The following CFAP54 variants were observed in gnomAD, a reference collection of about 807,000 sequenced individuals.
The protein encoded by CFAP54 is cilia and flagella associated protein 54, also known as cilia- and flagella-associated protein 54.
CFAP54 carries 290 observed loss-of-function variants against 370.4 expected under a neutral mutation model. The ratio of observed to expected loss-of-function variants is 0.78; its 90% CI spans 0.71 to 0.86. CFAP54 has a LOEUF of 0.86. Ranked by LOEUF, CFAP54 falls within the 40% of genes least tolerant of loss-of-function variation. The pLI is 0.00. For missense variants in CFAP54, 3,399 were observed against 3,528.7 expected (o/e 0.96, Z 0.93); for synonymous variants, 1,206 against 1,236.5 (o/e 0.98, Z 0.52).
chr12:96,683,898 T>C (rs1330567099), intron 40 of CFAP54, among the ~76,000 whole-genome samples: 1 of 152,146 alleles, frequency 6.6e-6, no homozygotes, highest in Admixed American at 6.5e-5. Flanking sequence ...TTCAAGCAAT[T>C]CTTTTGCCTT....
In CFAP54 at chr12:96,624,506, A is replaced by G. The variant is rs529206087; in HGVS notation, c.3886+625A>G. On this transcript the variant is annotated intron_variant, in intron 28 of 67. Coordinates refer to ENST00000524981, the MANE Select transcript of CFAP54 (RefSeq NM_001306084.2). ...ACTGTAGTAATTTCATAATAAACCA[A>G]TGTGTTAATGCAATGATTGGTATTT... is the stretch of plus-strand genomic sequence containing the variant. Among the ~76,000 whole-genome samples, 281 of 152,304 alleles carry G rather than the reference A, an allele frequency of 1.8e-3. 1 individual carries two copies. Among genetic ancestry groups the G allele is most frequent in the African/African-American group, 6.6e-3 (273 of 41,554 alleles).
At chr12:96,645,801 C>T (rs879273906) in intron 33 of CFAP54, 1 of 152,114 alleles carries the variant, frequency 6.6e-6, no homozygotes, top group Admixed American at 6.6e-5. Context: ...TGTCACATAT[C>T]TACAACTATC....
chr12:96,590,333 C>T (rs4762156), intron 23 of CFAP54, among the ~76,000 whole-genome samples: 137,562 of 152,220 alleles, frequency 0.9, 62,314 homozygotes, highest in East Asian at 0.96. Flanking sequence ...TACTATCCTT[C>T]GTCTTTACTG....
chr12:96,543,810 G>C (rs11108576), intron 14 of CFAP54, among the ~76,000 whole-genome samples: 61,253 of 151,892 alleles, frequency 0.4, 12,908 homozygotes, highest in South Asian at 0.47. Context: ...TTCTAGGATG[G>C]AGTCTCTTTT....
chr12:96,679,140 C>T (rs1286302476), intron 39 of CFAP54, among the ~76,000 whole-genome samples: 1 of 152,150 alleles, frequency 6.6e-6, no homozygotes, highest in Non-Finnish European at 1.5e-5. Flanking sequence ...CTTTCCTCTG[C>T]ACCTTTCAGT....
At chr12:96,728,072 G>A (rs1442698244) in intron 50 of CFAP54, among the ~76,000 whole-genome samples, 3 of 152,186 alleles carry the variant, frequency 2.0e-5, no homozygotes, top group Non-Finnish European at 4.4e-5. Flanking sequence ...GCTTCCCTTT[G>A]TGGGTAACCC....
chr12:96,636,534 A>G (rs1425650141), intron 32 of CFAP54, among the ~76,000 whole-genome samples: 1 of 152,100 alleles, frequency 6.6e-6, no homozygotes. Context: ...TTGTTTTGCC[A>G]GAGGTTTGTC....
chr12:96,726,359 T>C (rs1429024228), intron 50 of CFAP54, among the ~76,000 whole-genome samples: 1 of 152,226 alleles, frequency 6.6e-6, no homozygotes, highest in Non-Finnish European at 1.5e-5. Flanking sequence ...TCAGATCTGT[T>C]ATTGGTCTAT....
At chr12:96,533,007 C>G (rs986421834) in intron 9 of CFAP54, among the ~76,000 whole-genome samples, 2 of 152,050 alleles carry the variant, frequency 1.3e-5, no homozygotes, top group Non-Finnish European at 2.9e-5. Context: ...TTTCATTGTT[C>G]CTAAGTATTT....
At chr12:96,647,008 C>T (rs1279860042) in intron 33 of CFAP54, 4 of 151,846 alleles carry the variant, frequency 2.6e-5, no homozygotes, top group African/African-American at 7.3e-5. Flanking sequence ...TGTTAAATGA[C>T]GAGTTAATGG....
intron 66 of CFAP54, among the ~76,000 whole-genome samples, chr12:96,836,563 G>A (rs1490157240): frequency 1.3e-5 from 2 of 152,158 alleles, no homozygotes; most frequent in Non-Finnish European, 2.9e-5. Context: ...GAGCAGCTAA[G>A]AATCTATGCT....
At chr12:96,754,851 C>G (rs1958234440) in intron 56 of CFAP54, among the ~76,000 whole-genome samples, 1 of 151,856 alleles carries the variant, frequency 6.6e-6, no homozygotes, top group Admixed American at 6.6e-5. Context: ...TCAAGCAATT[C>G]TCCTTCCTCA....
intron 39 of CFAP54, among the ~76,000 whole-genome samples, chr12:96,666,036 A>G (rs1057286339): frequency 2.0e-5 from 3 of 152,136 alleles, no homozygotes; most frequent in Admixed American, 6.6e-5. Flanking sequence ...TTTCACTTCC[A>G]TATTTAGCTG....
chr12:96,630,082 TTTTTTATTA>T lies in CFAP54; in HGVS notation c.4104-10_4104-2del. On this transcript the variant is annotated splice_acceptor_variant and splice_polypyrimidine_tract_variant and intron_variant, in intron 30 of 67. Transcript: ENST00000524981. LOFTEE classifies it high-confidence loss of function. ...GCAGGTCTTTTTGACTGACTTTATC[TTTTTTATTA>T]GGAGAAATGAGTCTCTACTTGGACT... The T allele has an allele frequency of 7.3e-7, 1 of 1,363,998 alleles. No homozygotes were observed. Among genetic ancestry groups the T allele is most frequent in the Non-Finnish European group, 9.8e-7 (1 of 1,022,586 alleles). 84.5% of individuals were successfully genotyped at this position (1,363,998 alleles called of 1,614,324 possible).
rs747323829 is a variant in CFAP54 at position 96,786,756 on chromosome 12, G to A, written c.8537G>A (p.Arg2846His). 5.5e-5 allele frequency: 85 copies of A among 1,535,626 alleles called. No homozygotes were observed. Among genetic ancestry groups the A allele is most frequent in the South Asian group, 3.9e-4 (33 of 84,054 alleles). The stretch of plus-strand genomic sequence containing the variant: ...CTTTACAACTCTGAGTTGATTTTGC[G>A]CCAGAAAGAAGTGCATTTTTTCCTT... The part of the protein sequence containing the change: ...TSLYNSELIL[R>H]QKEVHFFLKK... Residue 2846 changes from arginine to histidine, a missense_variant, in exon 62 of 68, where the codon CGC becomes CAC. Physicochemically the swap from Arg to His is conservative, Grantham distance 29 (BLOSUM62 0). Around this residue, in one of 3 missense-constraint regions of CFAP54, gnomAD observed 2,796 missense variants for 2,869.7 expected, o/e 0.97. Coordinates refer to ENST00000524981, the MANE Select transcript of CFAP54 (RefSeq NM_001306084.2).
In CFAP54 at chr12:96,519,112, T is replaced by C; in HGVS notation, c.942+41T>C. ...ACTCTGAGGAGTCGAGTTTTTTTTTTTTTTGAGATGGAATCTGGCTTTGTT... is the reference window on the plus strand; with the variant it reads ...ACTCTGAGGAGTCGAGTTTTTTTTTCTTTTGAGATGGAATCTGGCTTTGTT... On this transcript the variant is annotated intron_variant, in intron 6 of 67. Transcript: ENST00000524981. 4 of 1,503,436 alleles carry C rather than the reference T, an allele frequency of 2.7e-6. No individual in the cohort carries two copies. In the East Asian group the frequency reaches 7.4e-5, roughly 28 times the overall value. The allele number at this position is 1,503,436 out of a possible 1,614,324, so 93.1% of individuals were successfully genotyped here.
intron 26 of CFAP54, among the ~76,000 whole-genome samples, chr12:96,602,258 G>T (rs576241546): frequency 6.6e-6 from 1 of 152,266 alleles, no homozygotes; most frequent in South Asian, 2.1e-4. Context: ...CCATGTAGTT[G>T]TGCAATTTTG....
chr12:96,849,899 C>G (rs1354789644), intron 66 of CFAP54, among the ~76,000 whole-genome samples: 4 of 152,172 alleles, frequency 2.6e-5, no homozygotes, highest in Admixed American at 2.6e-4. Flanking sequence ...ATCTGCCAGT[C>G]TGTTTTATTC....
At chr12:96,835,541 C>T (rs1959183390) in intron 66 of CFAP54, among the ~76,000 whole-genome samples, 1 of 152,184 alleles carries the variant, frequency 6.6e-6, no homozygotes, top group South Asian at 2.1e-4. Context: ...CTCCTGCTGC[C>T]ATTCATTACA....
Sources: allele counts gnomAD v4.1 joint callset (sites outside exome capture counted in the v4.1 genomes callset), GRCh38; gene constraint gnomAD v4.1.1; regional missense constraint gnomAD v4.1.1; transcripts MANE v1.5; gene names NCBI Gene and HGNC (gene_info 2026-07-23, HGNC 2026-07-21).